The following HNF1B variants were observed in gnomAD, a reference collection of about 807,000 sequenced individuals.
HNF1B encodes the protein hepatocyte nuclear factor 1-beta.
A neutral mutation model predicts 61.7 loss-of-function variants in HNF1B; 8 were observed. The ratio of observed to expected loss-of-function variants is 0.13; its 90% confidence interval spans 0.08 to 0.23. The LOEUF (loss-of-function observed/expected upper bound fraction) is 0.23. Ranked by LOEUF, HNF1B falls within the 10% of genes least tolerant of loss-of-function variation. The pLI, the probability that HNF1B is intolerant of heterozygous loss-of-function variation, is 1.00. For missense variants in HNF1B, 562 were observed against 714.5 expected, an observed-to-expected ratio of 0.79 and a Z score of 2.43; for synonymous variants, 314 against 287.7, an observed-to-expected ratio of 1.09 and a Z score of -0.93.
chr17:37,731,461 C>T (rs1455982096), intron 4 of HNF1B, 134 bp downstream of exon 4: 1 of 760,632 alleles, frequency 1.3e-6, no homozygotes, highest in East Asian at 2.7e-5. Context: ...GGAGTATATT[C>T]TGGCAATGAG....
At chr17:37,741,702 C>T (rs2033996617) in intron 1 of HNF1B, among the ~76,000 whole-genome samples, 1 of 152,086 alleles carries the variant, frequency 6.6e-6, no homozygotes, top group Admixed American at 6.5e-5. Context: ...GCAAATTCTT[C>T]GGCTATTTTT....
intron 4 of HNF1B, among the ~76,000 whole-genome samples, chr17:37,723,715 A>C (rs79882976): frequency 0.087 from 13,182 of 152,306 alleles, 697 homozygotes; most frequent in South Asian, 0.12. Context: ...ACCTCCAAGA[A>C]GGACAAGGAA....
At chr17:37,688,420 C>CTT (rs1568629315) in intron 8 of HNF1B, among the ~76,000 whole-genome samples, 1 of 150,392 alleles carries the variant, frequency 6.6e-6, no homozygotes, top group Non-Finnish European at 1.5e-5. Flanking sequence ...CACACACACA[C>CTT]ACTTACACCT....
At chr17:37,699,010 C>T (rs2032475371) in intron 8 of HNF1B, 66 bp downstream of exon 8, 1 of 1,147,252 alleles carries the variant, frequency 8.7e-7, no homozygotes, top group Admixed American at 1.7e-5. Context: ...GCCACAACCT[C>T]TGCACATCCA....
At chr17:37,697,132 CAGGT>C (rs1325189149) in intron 8 of HNF1B, among the ~76,000 whole-genome samples, 7 of 152,280 alleles carry the variant, frequency 4.6e-5, no homozygotes, top group Admixed American at 4.6e-4. Flanking sequence ...TGACCTTGGG[CAGGT>C]CACTCTTCAT....
intron 4 of HNF1B, among the ~76,000 whole-genome samples, chr17:37,712,709 G>A (rs1253970744): frequency 6.6e-6 from 1 of 152,162 alleles, no homozygotes; most frequent in Non-Finnish European, 1.5e-5. Context: ...CTGTGATCAT[G>A]GGAAAATTAC....
At chr17:37,701,325 C>T (rs912779865) in intron 6 of HNF1B, 148 bp from the exon 7 acceptor site, 22 of 774,324 alleles carry the variant, frequency 2.8e-5, no homozygotes, top group Admixed American at 2.1e-4. Context: ...TGTAAAGAAA[C>T]GGAGACTTGG....
Position 37,738,049 on chromosome 17 carries a change from A to G in HNF1B, c.544+1391T>C, listed in dbSNP as rs4430796. On this transcript the variant is annotated intron_variant, in intron 2 of 8. Coordinates refer to ENST00000617811, the MANE Select transcript of HNF1B (RefSeq NM_000458.4). The stretch of plus-strand genomic sequence containing the variant: ...ATACAGAGAGGCAGCACAGACTGGA[A>G]ATGCTGCATAAAGCTTAAATTGGGC... Among the ~76,000 whole-genome samples the G allele has an allele frequency of 0.51, 77,664 of 151,996 alleles. 20,898 individuals carry two copies. Among genetic ancestry groups the G allele is most frequent in the African/African-American group, 0.67 (27,568 of 41,438 alleles).
chr17:37,742,310 C>T (rs944538612), intron 1 of HNF1B, among the ~76,000 whole-genome samples: 1 of 152,242 alleles, frequency 6.6e-6, no homozygotes, highest in African/African-American at 2.4e-5. Context: ...CCAGCTCCGG[C>T]CGGGAGCCGG....
chr17:37,737,343 G>C (rs183215218), intron 2 of HNF1B, among the ~76,000 whole-genome samples: 59 of 152,282 alleles, frequency 3.9e-4, no homozygotes, highest in Admixed American at 3.6e-3. Context: ...CTTTATAACA[G>C]CTCTTAGAAA....
chr17:37,733,178 G>A (rs952813106), intron 3 of HNF1B, among the ~76,000 whole-genome samples: 20 of 152,092 alleles, frequency 1.3e-4, no homozygotes, highest in African/African-American at 4.1e-4. Flanking sequence ...ACACAATTTC[G>A]CTTCCCAAGT....
chr17:37,731,975 A>G, intron 3 of HNF1B, 145 bp from the exon 4 acceptor site: 1 of 628,864 alleles, frequency 1.6e-6, no homozygotes, highest in South Asian at 1.9e-5. Context: ...GGAGAGGCCT[A>G]TGCAGAGAAA....
At chr17:37,710,128 T>C (rs1018832775) in intron 5 of HNF1B, among the ~76,000 whole-genome samples, 5 of 152,188 alleles carry the variant, frequency 3.3e-5, no homozygotes, top group Non-Finnish European at 5.9e-5. Flanking sequence ...CAAAGTGAGG[T>C]GCTCTCTAAG....
At chr17:37,704,228 C>A (rs1310366488) in intron 6 of HNF1B, among the ~76,000 whole-genome samples, 1 of 152,214 alleles carries the variant, frequency 6.6e-6, no homozygotes, top group Non-Finnish European at 1.5e-5. Context: ...TATGGGAGGG[C>A]ACAGGCTTGC....
intron 1 of HNF1B, among the ~76,000 whole-genome samples, chr17:37,744,203 A>G (rs2034092088): frequency 6.6e-6 from 1 of 152,186 alleles, no homozygotes; most frequent in Non-Finnish European, 1.5e-5. Context: ...CAGCGGTTTC[A>G]CTGCACCCAC....
intron 2 of HNF1B, 60 bp downstream of exon 2, chr17:37,739,380 A>G (rs2033923681): frequency 6.7e-7 from 1 of 1,501,006 alleles, no homozygotes; most frequent in Non-Finnish European, 9.3e-7. Flanking sequence ...GAGGCAGCCA[A>G]TGGGGTGAGA....
intron 4 of HNF1B, among the ~76,000 whole-genome samples, chr17:37,724,460 C>G (rs186685217): frequency 1.8e-4 from 27 of 152,234 alleles, no homozygotes; most frequent in Admixed American, 1.0e-3. Flanking sequence ...CATTTGAGAA[C>G]TATTGTCCTA....
At position 37,699,184 on chromosome 17, in the gene HNF1B, G is replaced by A. The variant is rs2032482332; in HGVS notation, c.1545C>T (p.His515=). ...TQLQNSHMYA[H]KQEPPQYSHT... Reference sequence around the variant, plus strand: ...GGGAATACTGGGGGGGTTCCTGCTTGTGTGCGTACACTGGAGAGACAGAGT... The same window carrying A: ...GGGAATACTGGGGGGGTTCCTGCTTATGTGCGTACACTGGAGAGACAGAGT... Residue 515 remains histidine (H), a synonymous_variant, in exon 8 of 9, where the codon CAC becomes CAT. Transcript: ENST00000617811. 1 of 1,613,496 alleles carries A rather than the reference G, an allele frequency of 6.2e-7. No homozygotes were observed. The highest frequency in any genetic ancestry group is 8.5e-7 in the Non-Finnish European group (1 of 1,179,408).
rs752340487 is a variant in HNF1B at position 37,731,687 on chromosome 17, T to C, written c.953A>G (p.Tyr318Cys). The C allele has an allele frequency of 4.3e-6, 7 of 1,614,038 alleles. No homozygotes were observed. The highest frequency in any genetic ancestry group is 2.7e-5 in the African/African-American group (2 of 74,922). Residue 318 changes from tyrosine to cysteine, a missense_variant, in exon 4 of 9, where the codon TAT becomes TGT. By Grantham distance (194) the Tyr-to-Cys change is radical. Transcript: ENST00000617811. ...CAGGCTGTGAGTCTGGTTGGAGCTA[T>C]AGGCGTCCATGGCCAGCTTTTGCCG... ...AFRQKLAMDA[Y>C]SSNQTHSLNP...
Sources: gnomAD v4.1 joint callset for allele counts (sites outside exome capture counted in the v4.1 genomes callset) on GRCh38, gnomAD v4.1.1 for gene constraint, MANE v1.5 for transcripts, NCBI Gene and HGNC (gene_info 2026-07-23, HGNC 2026-07-21) for gene names.